The following MYCBP2 variants were observed in gnomAD, a reference collection of about 807,000 sequenced individuals.
MYCBP2 encodes E3 ubiquitin-protein ligase MYCBP2.
MYCBP2 carries 120 observed loss-of-function variants against 525.3 expected under a neutral mutation model. The observed-to-expected ratio is 0.23, with a 90% CI of 0.20 to 0.27. The LOEUF (loss-of-function observed/expected upper bound fraction) is 0.27, where lower values mean the gene tolerates loss of function less well. Ranked by LOEUF, MYCBP2 falls within the 10% of genes least tolerant of loss-of-function variation. MYCBP2 has a pLI of 1.00. For missense variants in MYCBP2, 4,149 were observed against 5,657.1 expected (o/e 0.73, Z 8.55); for synonymous variants, 1,894 against 1,955.8 (o/e 0.97, Z 0.83).
At chr13:77,153,371 T>C (rs568017501) in intron 46 of MYCBP2, among the ~76,000 whole-genome samples, 3 of 152,212 alleles carry the variant, frequency 2.0e-5, no homozygotes, top group Non-Finnish European at 4.4e-5. Flanking sequence ...TGCAAGGGGT[T>C]TGAGTGCAGC....
intron 66 of MYCBP2, chr13:77,077,592 A>G: frequency 1.7e-6 from 1 of 571,574 alleles, no homozygotes; most frequent in South Asian, 2.6e-5. Flanking sequence ...AGATGAAGAA[A>G]CTAAGGTTAA....
chr13:77,184,880 C>G (rs2060579302), intron 32 of MYCBP2, among the ~76,000 whole-genome samples: 3 of 152,164 alleles, frequency 2.0e-5, no homozygotes, highest in Non-Finnish European at 4.4e-5. Flanking sequence ...AATTCAAAAA[C>G]CAATCAGCAA....
At chr13:77,212,275 TGTTA>T (rs2064123228) in intron 21 of MYCBP2, 115 bp from the exon 22 acceptor site, 2 of 834,436 alleles carry the variant, frequency 2.4e-6, no homozygotes, top group Non-Finnish European at 1.7e-6. Flanking sequence ...TTTCACCAAT[TGTTA>T]GTTTGGGTTT....
At chr13:77,073,921 G>A (rs1379690637) in intron 68 of MYCBP2, among the ~76,000 whole-genome samples, 2 of 151,490 alleles carry the variant, frequency 1.3e-5, no homozygotes, top group African/African-American at 2.4e-5. Flanking sequence ...TCACAGATAC[G>A]AAGACTCAAT....
chr13:77,173,563 C>T (rs917764031), intron 37 of MYCBP2, among the ~76,000 whole-genome samples: 7 of 152,102 alleles, frequency 4.6e-5, no homozygotes, highest in African/African-American at 1.4e-4. Flanking sequence ...ATACTATCTA[C>T]GTAGGCACCA....
At chr13:77,225,576 A>C (rs773907246) in intron 18 of MYCBP2, 22 bp from the exon 19 acceptor site, 10 of 1,612,126 alleles carry the variant, frequency 6.2e-6, no homozygotes, top group African/African-American at 1.3e-5. Context: ...ATAATTTGTG[A>C]ATTATGATTA....
chr13:77,082,213 C>A (rs1279236950), intron 63 of MYCBP2: 3 of 429,494 alleles, frequency 7.0e-6, no homozygotes, highest in Non-Finnish European at 1.2e-5. Context: ...GAAAGTTGAC[C>A]CATTTTAAAT....
At chr13:77,111,622 C>T (rs2048844133) in intron 55 of MYCBP2, among the ~76,000 whole-genome samples, 2 of 151,272 alleles carry the variant, frequency 1.3e-5, no homozygotes, top group Middle Eastern at 3.4e-3. Context: ...CAGGGTCTCG[C>T]TTTGTTGTCC....
At chr13:77,179,703 T>C (rs2060034973) in intron 34 of MYCBP2, among the ~76,000 whole-genome samples, 1 of 152,238 alleles carries the variant, frequency 6.6e-6, no homozygotes, top group East Asian at 1.9e-4. Flanking sequence ...TTTAAGTATG[T>C]ATTTCTCTAG....
In MYCBP2 at chr13:77,211,154, C is replaced by T; in HGVS notation, c.3416+13G>A. On this transcript the variant is annotated intron_variant, in intron 23 of 82. Coordinates refer to ENST00000544440, the MANE Select transcript of MYCBP2 (RefSeq NM_015057.5). Reference sequence around the variant, plus strand: ...CAAAACTTATTGACTATTTTATAAACTGAGATGCTTACCTCCAAATTACAT... The same window carrying T: ...CAAAACTTATTGACTATTTTATAAATTGAGATGCTTACCTCCAAATTACAT... 7.0e-7 allele frequency: 1 copy of T among 1,422,206 alleles called. No individual in the cohort carries two copies. The highest frequency in any genetic ancestry group is 9.2e-7 in the Non-Finnish European group (1 of 1,082,088). 88.1% of individuals were successfully genotyped at this position (1,422,206 alleles called of 1,614,324 possible).
At position 77,241,933 on chromosome 13, in the gene MYCBP2, T is replaced by C. The variant is rs184525258; in HGVS notation, c.2629+1126A>G. Reference sequence around the variant, plus strand: ...TGCCATTTCTAATAAGCATTTAAAATATGCAATATCAGTAAACATTTCTAA... The same window carrying C: ...TGCCATTTCTAATAAGCATTTAAAACATGCAATATCAGTAAACATTTCTAA... On this transcript the variant is annotated intron_variant, in intron 17 of 82. Coordinates refer to ENST00000544440, the MANE Select transcript of MYCBP2 (RefSeq NM_015057.5). Among the ~76,000 whole-genome samples, 3 of 152,314 alleles carry C rather than the reference T, an allele frequency of 2.0e-5. No homozygotes were observed. The East Asian group carries it at 5.8e-4, about 29-fold the overall frequency.
At chr13:77,065,933 C>A in intron 72 of MYCBP2, 59 bp downstream of exon 72, 1 of 1,228,894 alleles carries the variant, frequency 8.1e-7, no homozygotes, top group Non-Finnish European at 1.2e-6. Context: ...GCAGAGTAAG[C>A]TGTTTTGTGT....
Position 77,051,251 on chromosome 13 carries a change from A to T in MYCBP2, c.13756-89T>A, listed in dbSNP as rs2036741811. 4 of 1,193,420 alleles carry T rather than the reference A, an allele frequency of 3.4e-6. No individual in the cohort carries two copies. In the Admixed American group the frequency reaches 1.1e-4, roughly 31 times the overall value. The allele number at this position is 1,193,420 out of a possible 1,614,324, so 73.9% of individuals were successfully genotyped here. On this transcript the variant is annotated intron_variant, in intron 81 of 82. Transcript: ENST00000544440. ...TAGGCATATACATAGACAGCTCCTT[A>T]ATTCATATTTTGAGGGCCTACATAA...
intron 1 of MYCBP2, among the ~76,000 whole-genome samples, chr13:77,306,070 T>G (rs1182856896): frequency 6.6e-6 from 1 of 152,136 alleles, no homozygotes; most frequent in Non-Finnish European, 1.5e-5. Context: ...GTCATAATGG[T>G]TAAAAATTAA....
At chr13:77,054,739 T>A (rs1439057337) in intron 80 of MYCBP2, among the ~76,000 whole-genome samples, 1 of 151,982 alleles carries the variant, frequency 6.6e-6, no homozygotes. Context: ...TAGCTGGGAC[T>A]ACAGGCAGAT....
At chr13:77,114,923 A>G (rs2049456640) in intron 55 of MYCBP2, among the ~76,000 whole-genome samples, 1 of 152,012 alleles carries the variant, frequency 6.6e-6, no homozygotes, top group Non-Finnish European at 1.5e-5. Context: ...ATGCTATGTT[A>G]AATGAAGCCA....
chr13:77,054,382 C>T (rs558458450), intron 80 of MYCBP2, among the ~76,000 whole-genome samples: 1 of 152,048 alleles, frequency 6.6e-6, no homozygotes, highest in Admixed American at 6.5e-5. Context: ...AAGAGTGATC[C>T]AGTTAGATTT....
chr13:77,054,804 T>C (rs527455428), intron 80 of MYCBP2, among the ~76,000 whole-genome samples: 2 of 152,234 alleles, frequency 1.3e-5, no homozygotes, highest in South Asian at 4.1e-4. Flanking sequence ...TTTTGCCATC[T>C]TGCCCTGGGT....
At chr13:77,258,122 G>A (rs187203577) in intron 13 of MYCBP2, among the ~76,000 whole-genome samples, 2 of 152,202 alleles carry the variant, frequency 1.3e-5, no homozygotes, top group Admixed American at 1.3e-4. Flanking sequence ...CCTCTCCACA[G>A]TACTTTCAAA....
Sources: gnomAD v4.1 joint callset for allele counts (sites outside exome capture counted in the v4.1 genomes callset) on GRCh38, gnomAD v4.1.1 for gene constraint, MANE v1.5 for transcripts, NCBI Gene and HGNC (gene_info 2026-07-23, HGNC 2026-07-21) for gene names.